Variants in SEMA3A observed in about 807,000 individuals in gnomAD.
SEMA3A encodes semaphorin 3A, also known as semaphorin-3A.
In SEMA3A, 29 loss-of-function variants were observed where a neutral mutation model predicts 97.9. The observed-to-expected ratio is 0.30, with a 90% CI of 0.22 to 0.40. The LOEUF is 0.40. Ranked by LOEUF, SEMA3A falls within the 10% of genes least tolerant of loss-of-function variation. The probability of loss-of-function intolerance (pLI) is 1.00; values close to 1 mark genes in which losing one functional copy is unlikely to be tolerated. For synonymous variants in SEMA3A, 321 were observed against 323.7 expected (o/e 0.99, Z 0.09); for missense variants, 763 against 951.3 (o/e 0.80, Z 2.60).
intron 12 of SEMA3A, among the ~76,000 whole-genome samples, chr7:83,987,047 A>G (rs1487411740): frequency 6.6e-6 from 1 of 150,638 alleles, no homozygotes; most frequent in African/African-American, 2.4e-5. Flanking sequence ...TTTTCTCTTT[A>G]GTTCTTATTA....
chr7:84,419,423 A>C (rs1161117900), intron 1 of SEMA3A, among the ~76,000 whole-genome samples: 1 of 152,088 alleles, frequency 6.6e-6, no homozygotes, highest in Non-Finnish European at 1.5e-5. Flanking sequence ...TGGCTTGCCC[A>C]AAAAAGCAGA....
At chr7:84,208,254 C>T (rs148534417) in intron 3 of SEMA3A, among the ~76,000 whole-genome samples, 4,157 of 152,090 alleles carry the variant, frequency 0.027, 180 homozygotes, top group African/African-American at 0.09. Context: ...AGATCGAGAC[C>T]ATCCTGGCTA....
Position 84,406,854 on chromosome 7 carries a change from C to T in SEMA3A, c.-245-34954G>A, listed in dbSNP as rs117772881. Among the ~76,000 whole-genome samples the T allele has an allele frequency of 2.1e-4, 32 of 152,294 alleles. No homozygotes were observed. The East Asian group carries it at 6.0e-3, about 29-fold the overall frequency. On this transcript the variant is annotated intron_variant, in intron 1 of 3. Transcript: ENST00000424555. The stretch of plus-strand genomic sequence containing the variant: ...AGGCCTTTGACAAAATTCAACAATA[C>T]TTCGTGATAAAAACTCTCAATAAAT...
chr7:84,271,490 C>T (rs1800151947), intron 3 of SEMA3A, among the ~76,000 whole-genome samples: 1 of 152,088 alleles, frequency 6.6e-6, no homozygotes, highest in African/African-American at 2.4e-5. Flanking sequence ...ATCTGGACAA[C>T]CACATTCACT....
chr7:84,459,896 G>A (rs1228934), intron 1 of SEMA3A, among the ~76,000 whole-genome samples: 3,447 of 152,126 alleles, frequency 0.023, 62 homozygotes, highest in Middle Eastern at 0.041. Context: ...ACATGGTGGC[G>A]CATGCCTGTA....
intron 1 of SEMA3A, 73 bp downstream of exon 1, chr7:84,194,402 G>C: frequency 3.2e-6 from 3 of 929,046 alleles, no homozygotes; most frequent in Non-Finnish European, 5.2e-6. Context: ...TTGGGGTTGG[G>C]AGGGAGTTCA....
chr7:84,233,253 CT>C (rs1240269210), intron 3 of SEMA3A, among the ~76,000 whole-genome samples: 3 of 151,856 alleles, frequency 2.0e-5, no homozygotes, highest in African/African-American at 7.2e-5. Context: ...AATTTATGTT[CT>C]GTTGAATGCT....
chr7:84,282,311 C>A (rs780710608), intron 3 of SEMA3A, among the ~76,000 whole-genome samples: 7 of 152,150 alleles, frequency 4.6e-5, no homozygotes, highest in Non-Finnish European at 8.8e-5. Flanking sequence ...AAAATAATTT[C>A]ATTCTCCTTG....
intron 2 of SEMA3A, among the ~76,000 whole-genome samples, chr7:84,313,986 A>G (rs1173413227): frequency 1.6e-4 from 24 of 152,076 alleles, no homozygotes; most frequent in Admixed American, 1.6e-3. Flanking sequence ...ACTTAAAGTA[A>G]TAGATAAAAC....
intron 3 of SEMA3A, among the ~76,000 whole-genome samples, chr7:84,280,479 A>T (rs920285296): frequency 6.6e-6 from 1 of 152,064 alleles, no homozygotes; most frequent in Non-Finnish European, 1.5e-5. Context: ...ACATCTCTTT[A>T]TTCTTTAAAA....
intron 3 of SEMA3A, among the ~76,000 whole-genome samples, chr7:84,242,573 A>C (rs1799389211): frequency 1.3e-5 from 2 of 152,104 alleles, no homozygotes; most frequent in Non-Finnish European, 2.9e-5. Context: ...CTGCAAACAG[A>C]GACAATTTGA....
At chr7:84,012,474 A>G (rs1328846881) in intron 7 of SEMA3A, among the ~76,000 whole-genome samples, 1 of 152,180 alleles carries the variant, frequency 6.6e-6, no homozygotes, top group Non-Finnish European at 1.5e-5. Flanking sequence ...GATCTAACCT[A>G]CATAGGCTTG....
At chr7:84,184,414 G>A (rs149396269) in intron 1 of SEMA3A, among the ~76,000 whole-genome samples, 6 of 152,254 alleles carry the variant, frequency 3.9e-5, no homozygotes, top group African/African-American at 7.2e-5. Context: ...GGGCCAGTGC[G>A]GGAGAGCCTA....
intron 1 of SEMA3A, among the ~76,000 whole-genome samples, chr7:84,165,925 A>G (rs1410690516): frequency 6.6e-6 from 1 of 152,172 alleles, no homozygotes; most frequent in Non-Finnish European, 1.5e-5. Context: ...ATGAGTATGT[A>G]TATCTAATAT....
intron 1 of SEMA3A, among the ~76,000 whole-genome samples, chr7:84,413,510 C>T (rs893742192): frequency 6.6e-6 from 1 of 152,062 alleles, no homozygotes; most frequent in Non-Finnish European, 1.5e-5. Context: ...TGCCTGTAGT[C>T]CCAGCTACTC....
intron 12 of SEMA3A, among the ~76,000 whole-genome samples, chr7:83,996,505 G>A (rs1299783472): frequency 3.3e-5 from 5 of 151,968 alleles, no homozygotes; most frequent in African/African-American, 9.7e-5. Flanking sequence ...GTTTCATTAT[G>A]TTGGTCAGGC....
chr7:84,035,158 A>G (rs1045244446), intron 6 of SEMA3A, among the ~76,000 whole-genome samples: 52 of 152,240 alleles, frequency 3.4e-4, no homozygotes, highest in African/African-American at 1.2e-3. Context: ...TAAAAACAAC[A>G]AAGAAAATAT....
At chr7:84,444,570 T>C (rs1415846947) in intron 1 of SEMA3A, among the ~76,000 whole-genome samples, 2 of 150,440 alleles carry the variant, frequency 1.3e-5, no homozygotes, top group African/African-American at 2.4e-5. Flanking sequence ...TTTTCTTTTT[T>C]TTTTTTTTTG....
chr7:84,453,161 G>A (rs191294665), intron 1 of SEMA3A, among the ~76,000 whole-genome samples: 11 of 151,738 alleles, frequency 7.2e-5, no homozygotes, highest in Admixed American at 1.3e-4. Flanking sequence ...CTACTGCTAA[G>A]CAAATTCAAC....
Sources: allele counts gnomAD v4.1 joint callset (sites outside exome capture counted in the v4.1 genomes callset), GRCh38; gene constraint gnomAD v4.1.1; transcripts MANE v1.5; gene names NCBI Gene and HGNC (gene_info 2026-07-23, HGNC 2026-07-21).